RAG1: variants seen among roughly 807,000 people sequenced by gnomAD.
RAG1 encodes the protein recombination activating 1, also known as V(D)J recombination-activating protein 1.
In RAG1, 35 loss-of-function variants were observed where a neutral mutation model predicts 62.7. The ratio of observed to expected loss-of-function variants is 0.56; its 90% CI spans 0.43 to 0.74. The LOEUF (loss-of-function observed/expected upper bound fraction) is 0.74, where lower values mean the gene tolerates loss of function less well. Among genes scored for constraint, RAG1 ranks in the 30% least tolerant of loss-of-function variants. The pLI is 0.00. For synonymous variants in RAG1, 461 were observed against 470.3 expected, an observed-to-expected ratio of 0.98 and a Z score of 0.26; for missense variants, 1,169 against 1,278.6, an observed-to-expected ratio of 0.91 and a Z score of 1.31.
intron 2 of RAG1, among the ~76,000 whole-genome samples, chr11:36,522,799 A>C (rs1035598981): frequency 1.3e-4 from 20 of 152,218 alleles, no homozygotes; most frequent in African/African-American, 4.8e-4. Context: ...CTCTTGCATC[A>C]GTGTGACCTG....
At chr11:36,543,225 C>A (rs1188829330) in intron 3 of RAG1, among the ~76,000 whole-genome samples, 1 of 152,194 alleles carries the variant, frequency 6.6e-6, no homozygotes, top group Non-Finnish European at 1.5e-5. Context: ...TCTCTGTGGA[C>A]ATCACCCTGG....
intron 1 of RAG1, among the ~76,000 whole-genome samples, chr11:36,568,518 C>A (rs1279908265): frequency 3.3e-5 from 5 of 152,142 alleles, no homozygotes; most frequent in Non-Finnish European, 7.4e-5. Flanking sequence ...CAGGTATTAA[C>A]AAGTATTGCC....
intron 1 of RAG1, among the ~76,000 whole-genome samples, chr11:36,512,598 T>C (rs1333335146): frequency 6.6e-6 from 1 of 152,244 alleles, no homozygotes; most frequent in Non-Finnish European, 1.5e-5. Context: ...TATCCTGTCT[T>C]CTTTTCAGAG....
chr11:36,562,823 T>C (rs1234672792), intron 3 of RAG1, among the ~76,000 whole-genome samples: 4 of 152,174 alleles, frequency 2.6e-5, no homozygotes, highest in African/African-American at 4.8e-5. Flanking sequence ...GATTTATTGA[T>C]TTATACCAGT....
At chr11:36,550,843 G>A (rs1850470816) in intron 3 of RAG1, among the ~76,000 whole-genome samples, 1 of 152,024 alleles carries the variant, frequency 6.6e-6, no homozygotes, top group African/African-American at 2.4e-5. Flanking sequence ...TCTCTCTATT[G>A]TTCATATCAA....
intron 2 of RAG1, among the ~76,000 whole-genome samples, chr11:36,529,599 T>C (rs1016787183): frequency 1.6e-4 from 24 of 152,138 alleles, no homozygotes; most frequent in Admixed American, 6.6e-5. Flanking sequence ...AAGGATGCCC[T>C]CTCTCGCCAC....
intron 2 of RAG1, among the ~76,000 whole-genome samples, chr11:36,522,137 C>T (rs1316855708): frequency 2.0e-5 from 3 of 152,118 alleles, no homozygotes; most frequent in Non-Finnish European, 2.9e-5. Context: ...AATGAAGAGC[C>T]GAATGTTAAT....
chr11:36,528,427 G>A (rs1043996012), intron 2 of RAG1, among the ~76,000 whole-genome samples: 1 of 152,130 alleles, frequency 6.6e-6, no homozygotes, highest in Non-Finnish European at 1.5e-5. Flanking sequence ...CAGAGATAAA[G>A]ATGTTCTTTG....
downstream of RAG1, among the ~76,000 whole-genome samples, chr11:36,538,920 A>AATTCAATC (rs1289646333): frequency 6.6e-6 from 1 of 152,170 alleles, no homozygotes; most frequent in African/African-American, 2.4e-5. Context: ...AAGAGGCCTC[A>AATTCAATC]ATTCAATCAT....
At chr11:36,550,270 A>T (rs1055697117) in intron 3 of RAG1, among the ~76,000 whole-genome samples, 3 of 151,362 alleles carry the variant, frequency 2.0e-5, no homozygotes, top group East Asian at 3.9e-4. Context: ...TAATAATAAT[A>T]AAAAAAGGTT....
intron 3 of RAG1, among the ~76,000 whole-genome samples, chr11:36,545,154 CT>C (rs1308128562): frequency 1.3e-5 from 2 of 152,090 alleles, no homozygotes; most frequent in Non-Finnish European, 2.9e-5. Context: ...TTACACATAT[CT>C]TTTTTTGCAT....
Position 36,575,357 on chromosome 11 carries a change from A to G in RAG1, c.2053A>G (p.Met685Val), listed in dbSNP as rs1458457310. 6.2e-7 allele frequency: 1 copy of G among 1,614,154 alleles called. No individual in the cohort carries two copies. Among genetic ancestry groups the G allele is most frequent in the East Asian group, 2.2e-5 (1 of 44,874 alleles). Residue 685 changes from methionine (M) to valine (V), a missense_variant, in exon 2 of 2, where the codon ATG becomes GTG. Around this residue, in one of 2 missense-constraint regions of RAG1, gnomAD observed 800 missense variants for 943.3 expected, o/e 0.85. Transcript: ENST00000299440. The surrounding 1 kb of genome is among the most constrained non-coding windows in gnomAD (Gnocchi z 4.1). The stretch of plus-strand genomic sequence containing the variant: ...TCCTCTCATTGCTGAGAGGGAGGCC[A>G]TGAAGAGCAGTGAATTAATGCTTGA... ...LSPLIAEREA[M>V]KSSELMLELG...
At chr11:36,562,227 A>C (rs2133281416) in intron 3 of RAG1, among the ~76,000 whole-genome samples, 1 of 152,334 alleles carries the variant, frequency 6.6e-6, no homozygotes, top group Non-Finnish European at 1.5e-5. Context: ...GATAATTCTA[A>C]GAGTTTGCCT....
chr11:36,544,038 T>C (rs2133267292), intron 3 of RAG1, among the ~76,000 whole-genome samples: 1 of 152,334 alleles, frequency 6.6e-6, no homozygotes, highest in African/African-American at 2.4e-5. Context: ...ATTAACAAAT[T>C]ATATACATAT....
chr11:36,524,489 ATTTT>A (rs199510458), intron 2 of RAG1, among the ~76,000 whole-genome samples: 1 of 137,004 alleles, frequency 7.3e-6, no homozygotes, highest in Non-Finnish European at 1.6e-5. Flanking sequence ...GGTGTGTGCT[ATTTT>A]TTTTTTTTTT....
chr11:36,572,683 G>A (rs531198114), intron 1 of RAG1, among the ~76,000 whole-genome samples: 12 of 152,198 alleles, frequency 7.9e-5, no homozygotes, highest in African/African-American at 2.6e-4. Flanking sequence ...TACTATCCAC[G>A]ATACTTATTA....
In RAG1 at chr11:36,579,445, T is replaced by C. The variant is rs1338989357; in HGVS notation, c.*3009T>C. On this transcript the variant is annotated 3_prime_UTR_variant, in exon 2 of 2. Coordinates refer to ENST00000299440, the MANE Select transcript of RAG1 (RefSeq NM_000448.3). The stretch of plus-strand genomic sequence containing the variant: ...CTACAGTAATCTACATAAATATACC[T>C]CAGAAATCATTTTTGGTGATTATTT... The C allele has an allele frequency of 6.0e-6, 1 of 167,036 alleles. No individual in the cohort carries two copies. Among genetic ancestry groups the C allele is most frequent in the African/African-American group, 2.4e-5 (1 of 41,454 alleles). 10.3% of individuals were successfully genotyped at this position (167,036 alleles called of 1,614,324 possible).
At chr11:36,518,371 G>A (rs1860026492) in intron 1 of RAG1, among the ~76,000 whole-genome samples, 1 of 152,158 alleles carries the variant, frequency 6.6e-6, no homozygotes, top group Admixed American at 6.5e-5. Flanking sequence ...TGGGATGGAT[G>A]GGTCAAATGA....
At chr11:36,525,378 T>C (rs1168301263) in intron 2 of RAG1, among the ~76,000 whole-genome samples, 1 of 152,180 alleles carries the variant, frequency 6.6e-6, no homozygotes, top group Non-Finnish European at 1.5e-5. Flanking sequence ...GCTCTTTTAG[T>C]TCGTTTACCT....
Sources: allele counts gnomAD v4.1 joint callset (sites outside exome capture counted in the v4.1 genomes callset), GRCh38; gene constraint gnomAD v4.1.1; regional missense constraint gnomAD v4.1.1; non-coding constraint Gnocchi (gnomAD v3.1); transcripts MANE v1.5; gene names NCBI Gene and HGNC (gene_info 2026-07-23, HGNC 2026-07-21).